The following GPHN variants were observed in gnomAD, a reference collection of about 807,000 sequenced individuals.
The protein encoded by GPHN is gephyrin.
GPHN carries 17 observed loss-of-function variants against 95.5 expected under a neutral mutation model. The ratio of observed to expected loss-of-function variants is 0.18; its 90% CI spans 0.12 to 0.27. GPHN has a LOEUF of 0.27. GPHN is among the 10% of genes least tolerant of loss of function. The probability of loss-of-function intolerance (pLI) is 1.00; values close to 1 mark genes in which losing one functional copy is unlikely to be tolerated. For synonymous variants in GPHN, 320 were observed against 322.5 expected, an observed-to-expected ratio of 0.99 and a Z score of 0.08; for missense variants, 660 against 978.1, an observed-to-expected ratio of 0.67 and a Z score of 4.34.
At chr14:67,206,647 G>A in the GPHN span, among the ~76,000 whole-genome samples, 5 of 152,150 alleles carry the variant, frequency 3.3e-5, no homozygotes, top group African/African-American at 1.2e-4. Flanking sequence ...CTAAGTAGAC[G>A]TAAAATAAAT....
intron 1 of GPHN, among the ~76,000 whole-genome samples, chr14:66,572,480 CTCTGTG>C (rs1595030064): frequency 7.9e-6 from 1 of 125,806 alleles, no homozygotes; most frequent in East Asian, 2.5e-4. Flanking sequence ...AAATTTATTC[CTCTGTG>C]TGTGTGTGTG....
chr14:66,798,451 T>C (rs2060232168), intron 3 of GPHN, among the ~76,000 whole-genome samples: 1 of 151,886 alleles, frequency 6.6e-6, no homozygotes, highest in Admixed American at 6.6e-5. Flanking sequence ...TGGACTTCTT[T>C]ACTGGGAGAT....
intron 1 of GPHN, among the ~76,000 whole-genome samples, chr14:66,579,376 A>G (rs180898481): frequency 1.2e-3 from 178 of 151,810 alleles, no homozygotes; most frequent in Admixed American, 4.8e-3. Context: ...TTAAATGTCA[A>G]TGGATTAAAT....
intron 10 of GPHN, among the ~76,000 whole-genome samples, chr14:67,054,353 T>TG (rs551229974): frequency 1.3e-5 from 2 of 152,238 alleles, no homozygotes; most frequent in South Asian, 4.2e-4. Flanking sequence ...CTTTCACAGT[T>TG]GCTAAAAAGA....
chr14:66,691,532 G>A (rs1054538741), intron 2 of GPHN, among the ~76,000 whole-genome samples: 1 of 152,056 alleles, frequency 6.6e-6, no homozygotes, highest in Non-Finnish European at 1.5e-5. Flanking sequence ...ATATTTTATA[G>A]TACATGAAAA....
chr14:67,672,690 G>C, the GPHN span, among the ~76,000 whole-genome samples: 2 of 151,632 alleles, frequency 1.3e-5, no homozygotes, highest in African/African-American at 4.8e-5. Flanking sequence ...TGATCCGCCC[G>C]CCTCGGCTTC....
the GPHN span, among the ~76,000 whole-genome samples, chr14:67,497,890 C>T: frequency 6.6e-6 from 1 of 151,954 alleles, no homozygotes; most frequent in African/African-American, 2.4e-5. Context: ...CTGACTGCAT[C>T]CTTCTGCCTT....
intron 4 of GPHN, among the ~76,000 whole-genome samples, chr14:66,838,260 A>C (rs1450425667): frequency 6.6e-6 from 1 of 152,162 alleles, no homozygotes; most frequent in East Asian, 1.9e-4. Flanking sequence ...CACTAAAAAC[A>C]ATATTTCCTT....
chr14:66,572,977 A>G (rs1004552179), intron 1 of GPHN, among the ~76,000 whole-genome samples: 1 of 152,144 alleles, frequency 6.6e-6, no homozygotes, highest in African/African-American at 2.4e-5. Flanking sequence ...TCTTTGACAC[A>G]CTGGTTATTG....
chr14:67,488,411 G>A, the GPHN span: 1 of 152,460 alleles, frequency 6.6e-6, no homozygotes, highest in Non-Finnish European at 1.5e-5. Context: ...TCTGCACTGA[G>A]AGCATCACAG....
intron 4 of GPHN, among the ~76,000 whole-genome samples, chr14:66,849,407 A>T (rs1244465241): frequency 6.6e-6 from 1 of 152,038 alleles, no homozygotes; most frequent in Non-Finnish European, 1.5e-5. Context: ...ATTTCCTAAA[A>T]TACAATAACT....
chr14:66,569,570 A>G (rs1009033480), intron 1 of GPHN, among the ~76,000 whole-genome samples: 7 of 151,916 alleles, frequency 4.6e-5, no homozygotes, highest in Non-Finnish European at 1.0e-4. Context: ...GGCTGAGGCA[A>G]GAGAATCGCT....
chr14:67,401,078 C>T, the GPHN span, among the ~76,000 whole-genome samples: 3 of 152,090 alleles, frequency 2.0e-5, no homozygotes, highest in Non-Finnish European at 4.4e-5. Flanking sequence ...TGCCTAGCCC[C>T]AGTGCCTGAG....
intron 17 of GPHN, among the ~76,000 whole-genome samples, chr14:67,127,703 GAA>G (rs2079417689): frequency 6.6e-6 from 1 of 152,172 alleles, no homozygotes. Context: ...AAAGGCTATG[GAA>G]GATACAAAAT....
the GPHN span, among the ~76,000 whole-genome samples, chr14:67,465,600 T>C: frequency 6.6e-6 from 1 of 152,176 alleles, no homozygotes; most frequent in Non-Finnish European, 1.5e-5. Flanking sequence ...ACACTGTGCT[T>C]CCAGCTTTCA....
At chr14:66,734,354 T>G (rs1367936899) in intron 2 of GPHN, among the ~76,000 whole-genome samples, 1 of 152,156 alleles carries the variant, frequency 6.6e-6, no homozygotes, top group Admixed American at 6.5e-5. Context: ...GGCTGCCTTT[T>G]CATTGCAAGA....
chr14:67,535,582 A>C, the GPHN span, among the ~76,000 whole-genome samples: 1 of 151,892 alleles, frequency 6.6e-6, no homozygotes, highest in African/African-American at 2.4e-5. Context: ...GGGTTTCACC[A>C]TGTTGGCCAG....
At chr14:66,857,482 C>T (rs1481908109) in intron 4 of GPHN, among the ~76,000 whole-genome samples, 1 of 152,060 alleles carries the variant, frequency 6.6e-6, no homozygotes, top group Non-Finnish European at 1.5e-5. Flanking sequence ...GCAGGCTTTT[C>T]GACAACATTG....
intron 8 of GPHN, among the ~76,000 whole-genome samples, chr14:66,932,454 T>G (rs937955324): frequency 1.3e-4 from 14 of 109,848 alleles, no homozygotes; most frequent in South Asian, 3.4e-4. Flanking sequence ...GTTTTTTTTT[T>G]TTTTTTTTTT....
Sources: gnomAD v4.1 joint callset for allele counts (sites outside exome capture counted in the v4.1 genomes callset) on GRCh38, gnomAD v4.1.1 for gene constraint, MANE v1.5 for transcripts, NCBI Gene and HGNC (gene_info 2026-07-23, HGNC 2026-07-21) for gene names.